FREM1: variants seen among roughly 807,000 people sequenced by gnomAD.
FREM1 encodes FRAS1 related extracellular matrix 1.
In FREM1, 220 loss-of-function variants were observed where a neutral mutation model predicts 210.1. The observed-to-expected ratio is 1.05, with a 90% CI of 0.94 to 1.17. The LOEUF (loss-of-function observed/expected upper bound fraction) is 1.17, where lower values mean the gene tolerates loss of function less well. FREM1 is among the 50% of genes most tolerant of loss of function. The pLI is 0.00. For missense variants in FREM1, 3,454 were observed against 2,675.5 expected (o/e 1.29, Z -6.42); for synonymous variants, 1,189 against 980.2 (o/e 1.21, Z -3.98).
intron 20 of FREM1, among the ~76,000 whole-genome samples, chr9:14,799,268 A>G (rs1853065361): frequency 6.6e-6 from 1 of 151,870 alleles, no homozygotes; most frequent in Non-Finnish European, 1.5e-5. Context: ...CCTAAGTGAC[A>G]GTGCAAGACC....
At chr9:14,797,215 T>C (rs971007938) in intron 21 of FREM1, among the ~76,000 whole-genome samples, 3 of 152,264 alleles carry the variant, frequency 2.0e-5, no homozygotes, top group Admixed American at 6.5e-5. Context: ...ATATGTTTAG[T>C]AGATTGTTCA....
intron 1 of FREM1, among the ~76,000 whole-genome samples, chr9:14,879,930 A>G (rs1834491443): frequency 6.6e-6 from 1 of 152,132 alleles, no homozygotes; most frequent in Non-Finnish European, 1.5e-5. Context: ...GGGGGGTGCT[A>G]TGTCTAGATG....
chr9:14,863,677 T>C (rs1463911024), intron 3 of FREM1, 132 bp downstream of exon 3: 2 of 606,228 alleles, frequency 3.3e-6, no homozygotes, highest in Non-Finnish European at 5.9e-6. Flanking sequence ...AGGCCTCCAG[T>C]TTCTGTTGAT....
chr9:14,833,929 G>T (rs1045389185), intron 10 of FREM1, among the ~76,000 whole-genome samples: 1 of 152,126 alleles, frequency 6.6e-6, no homozygotes, highest in Non-Finnish European at 1.5e-5. Context: ...CACAGACCCC[G>T]TTTTGTGGGG....
intron 24 of FREM1, chr9:14,779,378 A>C: frequency 1.1e-5 from 5 of 452,248 alleles, no homozygotes; most frequent in Non-Finnish European, 1.5e-5. Flanking sequence ...GTGCACTATT[A>C]AAAGTATGTC....
chr9:14,767,951 A>G lies in FREM1; in HGVS notation c.5204+1773T>C, dbSNP rs886393122. Among the ~76,000 whole-genome samples the G allele has an allele frequency of 1.4e-4, 22 of 152,326 alleles. No homozygotes were observed. In the East Asian group the frequency reaches 3.7e-3, roughly 25 times the overall value. ...CTCCAGCACAGACACATGAAAGTTA[A>G]TAGCCAACAAAAGCAGGAGGATATT... On this transcript the variant is annotated intron_variant, in intron 27 of 36. Transcript: ENST00000380880.
intron 8 of FREM1, among the ~76,000 whole-genome samples, chr9:14,843,437 C>A (rs796763006): frequency 2.2e-4 from 33 of 152,306 alleles, no homozygotes; most frequent in African/African-American, 7.7e-4. Context: ...TAACAAGGAA[C>A]CTCTCAGCCT....
intron 10 of FREM1, among the ~76,000 whole-genome samples, chr9:14,838,428 G>C (rs1825023543): frequency 6.6e-6 from 1 of 152,058 alleles, no homozygotes; most frequent in Non-Finnish European, 1.5e-5. Flanking sequence ...GTAATCATTT[G>C]AGTTCCTCAA....
chr9:14,881,432 T>C (rs1445143765), intron 1 of FREM1, among the ~76,000 whole-genome samples: 14 of 152,242 alleles, frequency 9.2e-5, no homozygotes, highest in Admixed American at 8.5e-4. Flanking sequence ...GGCTTTGCCA[T>C]ATTTTACAAA....
In FREM1 at chr9:14,836,571, T is replaced by C. The variant is rs1237696746; in HGVS notation, c.1881+4876A>G. Among the ~76,000 whole-genome samples the C allele has an allele frequency of 6.6e-6, 1 of 152,222 alleles. No individual in the cohort carries two copies. Among genetic ancestry groups the C allele is most frequent in the Admixed American group, 6.5e-5 (1 of 15,286 alleles). On this transcript the variant is annotated intron_variant, in intron 10 of 36. Transcript: ENST00000380880. The surrounding 1 kb of genome is among the most constrained non-coding windows in gnomAD (Gnocchi z 4.9). ...CTTTAATAAATTCCAGTCTTCTTTC[T>C]GGAATTGGTTAACCCCTTTATTAAG...
chr9:14,876,560 A>G (rs1480776447), intron 1 of FREM1, among the ~76,000 whole-genome samples: 1 of 152,108 alleles, frequency 6.6e-6, no homozygotes, highest in Non-Finnish European at 1.5e-5. Flanking sequence ...GGAGTGACCC[A>G]ATCTTCCAGG....
At chr9:14,854,394 G>A (rs377376648) in intron 5 of FREM1, among the ~76,000 whole-genome samples, 1 of 151,858 alleles carries the variant, frequency 6.6e-6, no homozygotes, top group Admixed American at 6.6e-5. Context: ...TTACAAGAAA[G>A]GCACTTAAAA....
intron 11 of FREM1, 83 bp downstream of exon 11, chr9:14,824,713 A>G (rs979480648): frequency 3.0e-5 from 14 of 461,076 alleles, no homozygotes; most frequent in African/African-American, 2.7e-4. Context: ...CCACAGTACT[A>G]TATATATATA....
intron 18 of FREM1, 68 bp downstream of exon 18, chr9:14,806,593 T>C (rs971821033): frequency 2.2e-6 from 2 of 928,118 alleles, no homozygotes; most frequent in African/African-American, 3.3e-5. Context: ...TTATTAAGCA[T>C]GACCTGGCCA....
chr9:14,792,019 A>G (rs898509445), intron 22 of FREM1, among the ~76,000 whole-genome samples: 1 of 151,780 alleles, frequency 6.6e-6, no homozygotes, highest in Non-Finnish European at 1.5e-5. Flanking sequence ...TAATTTTTGC[A>G]TTTTTAGTAG....
intron 1 of FREM1, among the ~76,000 whole-genome samples, chr9:14,877,397 C>G (rs1377313790): frequency 7.9e-6 from 1 of 126,736 alleles, no homozygotes; most frequent in Admixed American, 8.0e-5. Context: ...TCAGTTGTTC[C>G]TTTCTTCATC....
intron 22 of FREM1, among the ~76,000 whole-genome samples, 199 bp downstream of exon 22, chr9:14,792,544 T>G (rs1851610840): frequency 6.6e-6 from 1 of 152,170 alleles, no homozygotes; most frequent in Non-Finnish European, 1.5e-5. Flanking sequence ...TGAAGAATCT[T>G]AATATTTGTT....
In FREM1 at chr9:14,776,202, A is replaced by C; in HGVS notation, c.4444T>G (p.Phe1482Val). Residue 1482 changes from phenylalanine (F) to valine (V), a missense_variant and splice_region_variant, in exon 25 of 37, where the codon TTC becomes GTC. Transcript: ENST00000380880. ...GTCCGCAGTCCATTGCTGATGATGA[A>C]TCTGGTAAAGAGAGGCAAGGCAGCC... ...KVTVSSDRFR[F>V]IISNGLRTEH... 1 of 1,517,050 alleles carries C rather than the reference A, an allele frequency of 6.6e-7. No homozygotes were observed. The highest frequency in any genetic ancestry group is 1.4e-5 in the African/African-American group (1 of 71,974). The allele number at this position is 1,517,050 out of a possible 1,614,324, so 94.0% of individuals were successfully genotyped here. A position where few individuals can be genotyped will look rare whatever the true frequency, so the allele number is the denominator to read the frequency against.
intron 10 of FREM1, among the ~76,000 whole-genome samples, chr9:14,832,604 T>C (rs1394301500): frequency 6.6e-6 from 1 of 152,216 alleles, no homozygotes; most frequent in Non-Finnish European, 1.5e-5. Flanking sequence ...TCTTTTATAA[T>C]GTTCTTCCAA....
Sources: gnomAD v4.1 joint callset for allele counts (sites outside exome capture counted in the v4.1 genomes callset) on GRCh38, gnomAD v4.1.1 for gene constraint, Gnocchi (gnomAD v3.1) non-coding constraint, MANE v1.5 for transcripts, NCBI Gene and HGNC (gene_info 2026-07-23, HGNC 2026-07-21) for gene names.